ADGRF5: variants seen among roughly 807,000 people sequenced by gnomAD.
ADGRF5 encodes the protein adhesion G protein-coupled receptor F5, also known as G-protein coupled receptor 116.
Under a neutral mutation model 132.3 loss-of-function variants are expected in ADGRF5, and 75 were observed. That is an observed-to-expected ratio of 0.57 (90% confidence interval 0.47 to 0.69). The LOEUF (loss-of-function observed/expected upper bound fraction) is 0.69. Among genes scored for constraint, ADGRF5 ranks in the 30% least tolerant of loss-of-function variants. The probability of loss-of-function intolerance (pLI) is 0.00; values close to 1 mark genes in which losing one functional copy is unlikely to be tolerated. For missense variants in ADGRF5, 1,516 were observed against 1,630.6 expected, an observed-to-expected ratio of 0.93 and a Z score of 1.21; for synonymous variants, 629 against 597.6, an observed-to-expected ratio of 1.05 and a Z score of -0.77.
intron 1 of ADGRF5, among the ~76,000 whole-genome samples, chr6:46,951,614 C>G (rs1194097541): frequency 6.6e-6 from 1 of 152,206 alleles, no homozygotes; most frequent in East Asian, 1.9e-4. Context: ...GGCTATATGT[C>G]TACGTGCTTC....
Position 46,884,204 on chromosome 6 carries a change from C to T in ADGRF5, c.396G>A (p.Arg132=), listed in dbSNP as rs141885100. ...CTTGACAAATGAGATTGTGAAGACA[C>T]CTTTCCCGAGGCCACCCATAACCTG... ...CETGYGWPRE[R]CLHNLICQER... is the part of the protein sequence containing the mutation. Residue 132 remains arginine, a synonymous_variant, in exon 5 of 21, where the codon AGG becomes AGA. Transcript: ENST00000283296. The T allele has an allele frequency of 1.4e-5, 22 of 1,613,964 alleles. No homozygotes were observed. In the African/African-American group the frequency reaches 2.5e-4, roughly 19 times the overall value.
At chr6:46,947,599 T>C (rs1302735072) in intron 1 of ADGRF5, among the ~76,000 whole-genome samples, 1 of 152,204 alleles carries the variant, frequency 6.6e-6, no homozygotes, top group African/African-American at 2.4e-5. Context: ...GGATCTCTAG[T>C]AATGCTCCAA....
chr6:46,884,930 C>G (rs1772892575), intron 4 of ADGRF5, among the ~76,000 whole-genome samples: 1 of 152,140 alleles, frequency 6.6e-6, no homozygotes, highest in Non-Finnish European at 1.5e-5. Flanking sequence ...AGGCCAGGCA[C>G]AGTGGCTCAC....
At chr6:46,899,901 C>G in intron 3 of ADGRF5, 128 bp downstream of exon 3, 1 of 656,552 alleles carries the variant, frequency 1.5e-6, no homozygotes, top group Non-Finnish European at 2.7e-6. Flanking sequence ...TTTTGGAAAT[C>G]ACACTGCACT....
At chr6:46,912,474 G>C (rs1776034403) in intron 1 of ADGRF5, among the ~76,000 whole-genome samples, 1 of 152,130 alleles carries the variant, frequency 6.6e-6, no homozygotes, top group Non-Finnish European at 1.5e-5. Context: ...CATGAAAAGA[G>C]AGCAGGTGAA....
intron 1 of ADGRF5, among the ~76,000 whole-genome samples, chr6:46,910,541 A>C (rs1028532354): frequency 1.3e-5 from 2 of 152,074 alleles, no homozygotes; most frequent in African/African-American, 4.8e-5. Context: ...AATTACCCCC[A>C]TTTTTCAGAC....
chr6:46,901,209 A>G (rs1292251171), intron 2 of ADGRF5, among the ~76,000 whole-genome samples: 1 of 152,128 alleles, frequency 6.6e-6, no homozygotes, highest in Non-Finnish European at 1.5e-5. Flanking sequence ...TGGGATCACC[A>G]CCAGCTCTGC....
intron 15 of ADGRF5, 86 bp from the exon 16 acceptor site, chr6:46,860,980 T>G: frequency 4.0e-6 from 4 of 1,010,078 alleles, no homozygotes; most frequent in Non-Finnish European, 2.9e-6. Flanking sequence ...GCAAAATCTC[T>G]CACATCCGTT....
chr6:46,892,939 G>A (rs1773797064), intron 3 of ADGRF5, among the ~76,000 whole-genome samples: 1 of 152,030 alleles, frequency 6.6e-6, no homozygotes. Flanking sequence ...TGGAGACACA[G>A]GGTGAATAAA....
chr6:46,863,952 C>G (rs1191376091), intron 14 of ADGRF5, among the ~76,000 whole-genome samples: 1 of 152,208 alleles, frequency 6.6e-6, no homozygotes, highest in African/African-American at 2.4e-5. Flanking sequence ...GAAAGTGACT[C>G]TAAATTGTTT....
chr6:46,951,736 T>C (rs901030604), intron 1 of ADGRF5, among the ~76,000 whole-genome samples: 64 of 152,226 alleles, frequency 4.2e-4, no homozygotes, highest in Admixed American at 4.1e-3. Flanking sequence ...TCTAACCTGC[T>C]TCAAAGCAGC....
At chr6:46,902,283 C>T (rs985682729) in intron 2 of ADGRF5, among the ~76,000 whole-genome samples, 1 of 152,096 alleles carries the variant, frequency 6.6e-6, no homozygotes, top group African/African-American at 2.4e-5. Context: ...CCACTGGGAG[C>T]TTTCTCTGTC....
At chr6:46,946,541 A>T (rs1166970879) in intron 1 of ADGRF5, among the ~76,000 whole-genome samples, 2 of 152,164 alleles carry the variant, frequency 1.3e-5, no homozygotes, top group Admixed American at 1.3e-4. Context: ...TTCTGCTCCT[A>T]TTGTTTTAAG....
chr6:46,865,817 G>T (rs1047875052), intron 13 of ADGRF5, among the ~76,000 whole-genome samples: 2 of 152,072 alleles, frequency 1.3e-5, no homozygotes, highest in African/African-American at 4.8e-5. Flanking sequence ...ATTCTATTTG[G>T]ATATTTTATA....
chr6:46,877,036 C>A (rs1009758341), intron 10 of ADGRF5, among the ~76,000 whole-genome samples: 1 of 152,206 alleles, frequency 6.6e-6, no homozygotes, highest in Non-Finnish European at 1.5e-5. Context: ...CAGATAAGCG[C>A]ATTATACTGT....
At chr6:46,912,239 G>C (rs1195117967) in intron 1 of ADGRF5, among the ~76,000 whole-genome samples, 2 of 152,192 alleles carry the variant, frequency 1.3e-5, no homozygotes, top group Non-Finnish European at 2.9e-5. Flanking sequence ...ATACCAGAAG[G>C]ACCTGACCTA....
At chr6:46,937,221 A>AGTGTGTGTGTGTGTGTGTGTGTGTGTGT (rs10558166) in intron 1 of ADGRF5, among the ~76,000 whole-genome samples, 1 of 146,690 alleles carries the variant, frequency 6.8e-6, no homozygotes, top group Non-Finnish European at 1.5e-5. Flanking sequence ...GGCAATAAGG[A>AGTGTGTGTGTGTGTGTGTGTGTGTGTGT]GTGTGTGTGT....
intron 10 of ADGRF5, among the ~76,000 whole-genome samples, chr6:46,877,300 T>C (rs1195017572): frequency 3.0e-5 from 3 of 98,898 alleles, no homozygotes; most frequent in Non-Finnish European, 4.4e-5. Flanking sequence ...TCTCTCTCTC[T>C]CTCTCTTTCC....
At chr6:46,888,903 G>A (rs1773332608) in intron 3 of ADGRF5, among the ~76,000 whole-genome samples, 3 of 152,104 alleles carry the variant, frequency 2.0e-5, no homozygotes, top group Admixed American at 1.3e-4. Flanking sequence ...TCTGGGAAAA[G>A]TCACCCAGTT....
Sources: gnomAD v4.1 joint callset for allele counts (sites outside exome capture counted in the v4.1 genomes callset) on GRCh38, gnomAD v4.1.1 for gene constraint, MANE v1.5 for transcripts, NCBI Gene and HGNC (gene_info 2026-07-23, HGNC 2026-07-21) for gene names.